Variants in MTHFD1L observed in about 807,000 individuals in gnomAD.
MTHFD1L encodes the protein methylenetetrahydrofolate dehydrogenase (NADP+ dependent) 1 like, also known as monofunctional C1-tetrahydrofolate synthase, mitochondrial.
A neutral mutation model predicts 119.5 loss-of-function variants in MTHFD1L; 81 were observed. That is an observed-to-expected ratio of 0.68 (90% CI 0.57 to 0.82). MTHFD1L has a LOEUF of 0.82. MTHFD1L is among the 40% of genes least tolerant of loss of function. MTHFD1L has a pLI of 0.00. For missense variants in MTHFD1L, 1,125 were observed against 1,253.4 expected, an observed-to-expected ratio of 0.90 and a Z score of 1.55; for synonymous variants, 430 against 475.2, an observed-to-expected ratio of 0.90 and a Z score of 1.24.
chr6:151,090,007 C>T (rs1410703565), intron 26 of MTHFD1L, among the ~76,000 whole-genome samples: 1 of 152,214 alleles, frequency 6.6e-6, no homozygotes, highest in Non-Finnish European at 1.5e-5. Flanking sequence ...TGAACGGCAG[C>T]TGTATTCCAG....
At chr6:151,091,244 G>A (rs113335643) in intron 26 of MTHFD1L, among the ~76,000 whole-genome samples, 5 of 137,540 alleles carry the variant, frequency 3.6e-5, no homozygotes, top group African/African-American at 5.2e-5. Context: ...GTGCAGCATC[G>A]TTCCATGCGA....
chr6:150,912,495 G>T (rs1036461756), intron 8 of MTHFD1L, among the ~76,000 whole-genome samples: 2 of 152,050 alleles, frequency 1.3e-5, no homozygotes, highest in African/African-American at 2.4e-5. Flanking sequence ...AGATGTTTCC[G>T]CAGAGCCGAG....
At chr6:150,925,622 G>A (rs1486445989) in intron 10 of MTHFD1L, among the ~76,000 whole-genome samples, 2 of 152,088 alleles carry the variant, frequency 1.3e-5, no homozygotes, top group African/African-American at 2.4e-5. Context: ...CAGATAAAAC[G>A]AAATAGCATT....
chr6:151,059,323 G>C (rs1412439018), intron 26 of MTHFD1L, among the ~76,000 whole-genome samples: 1 of 152,036 alleles, frequency 6.6e-6, no homozygotes, highest in Non-Finnish European at 1.5e-5. Flanking sequence ...CGATTTTCCT[G>C]CCTGCGCCAC....
At chr6:150,925,369 G>A (rs938229906) in intron 10 of MTHFD1L, among the ~76,000 whole-genome samples, 1 of 152,110 alleles carries the variant, frequency 6.6e-6, no homozygotes, top group African/African-American at 2.4e-5. Context: ...GAGCACATGA[G>A]CCCCAGAGGA....
Position 150,876,155 on chromosome 6 carries a change from C to T in MTHFD1L, c.293C>T (p.Pro98Leu), listed in dbSNP as rs760359979. 1.0e-5 allele frequency: 16 copies of T among 1,596,268 alleles called. No individual in the cohort carries two copies. The highest frequency in any genetic ancestry group is 3.4e-5 in the South Asian group (3 of 87,592). ...CAAGAAAAAAACCCTGCCTTCAAGCCGGTTCTTGCAATTATCCAGGTAAGC... is the reference window on the plus strand; with the variant it reads ...CAAGAAAAAAACCCTGCCTTCAAGCTGGTTCTTGCAATTATCCAGGTAAGC... ...LLQEKNPAFK[P>L]VLAIIQAGDD... Residue 98 changes from proline to leucine, a missense_variant, in exon 2 of 28, where the codon CCG becomes CTG. By Grantham distance (98) the Pro-to-Leu change is moderately conservative. Coordinates refer to ENST00000367321, the MANE Select transcript of MTHFD1L (RefSeq NM_015440.5).
Position 150,949,067 on chromosome 6 carries a change from A to T in MTHFD1L, c.1660A>T (p.Thr554Ser). ...AAATAAGACTGATCCGAGCACACTG[A>T]CAGAAGAGGAAGTGAGTAAATTTGC... ...GINKTDPSTLTEEEVSKFARL... is the reference protein window; with the variant it reads ...GINKTDPSTLSEEEVSKFARL... The change falls in exon 16 of 28, where the codon ACA becomes TCA. Residue 554 changes from threonine (T) to serine (S), a missense_variant. Physicochemically the swap from Thr to Ser is moderately conservative, Grantham distance 58. This residue lies in a region of MTHFD1L where 1,058 missense variants were observed against 1,151.2 expected (regional missense o/e 0.92). Coordinates refer to ENST00000367321, the MANE Select transcript of MTHFD1L (RefSeq NM_015440.5). The T allele has an allele frequency of 1.2e-6, 2 of 1,614,056 alleles. No individual in the cohort carries two copies. Among genetic ancestry groups the T allele is most frequent in the Non-Finnish European group, 1.7e-6 (2 of 1,179,994 alleles).
intron 26 of MTHFD1L, among the ~76,000 whole-genome samples, chr6:151,078,903 G>T (rs1584415483): frequency 6.6e-6 from 1 of 152,034 alleles, no homozygotes; most frequent in East Asian, 1.9e-4. Context: ...AGAGGTGCAG[G>T]GAATCCCCAG....
At chr6:150,985,785 G>A (rs370510272) in intron 20 of MTHFD1L, among the ~76,000 whole-genome samples, 1 of 152,204 alleles carries the variant, frequency 6.6e-6, no homozygotes, top group African/African-American at 2.4e-5. Context: ...GAAGCACTGG[G>A]AAATAGCACG....
intron 1 of MTHFD1L, among the ~76,000 whole-genome samples, chr6:150,871,724 G>A (rs960807847): frequency 2.0e-5 from 3 of 149,678 alleles, no homozygotes; most frequent in African/African-American, 7.4e-5. Flanking sequence ...GGCTGGTCTC[G>A]AACTCCTGAC....
chr6:151,092,396 A>G, intron 26 of MTHFD1L, 71 bp from the exon 27 acceptor site: 1 of 1,161,714 alleles, frequency 8.6e-7, no homozygotes, highest in African/African-American at 1.5e-5. Context: ...GATAGAGTTA[A>G]TTTGCATCAT....
At chr6:151,063,344 A>C (rs543276212) in intron 26 of MTHFD1L, among the ~76,000 whole-genome samples, 18 of 152,192 alleles carry the variant, frequency 1.2e-4, no homozygotes, top group East Asian at 1.9e-4. Context: ...CTCTCTCTCT[A>C]TATATATTAA....
At chr6:151,098,037 C>T (rs1222214589) in intron 27 of MTHFD1L, among the ~76,000 whole-genome samples, 4 of 152,156 alleles carry the variant, frequency 2.6e-5, no homozygotes, top group East Asian at 1.9e-4. Context: ...AGCCAGGCGT[C>T]ATGGCACGCA....
intron 20 of MTHFD1L, among the ~76,000 whole-genome samples, chr6:150,987,480 G>A (rs1778467562): frequency 6.6e-6 from 1 of 152,212 alleles, no homozygotes; most frequent in South Asian, 2.1e-4. Context: ...CCTGCTTGGT[G>A]CTTTGTACAT....
Position 150,944,543 on chromosome 6 carries a change from G to T in MTHFD1L, c.1498G>T (p.Ala500Ser). 2 of 1,614,106 alleles carry T rather than the reference G, an allele frequency of 1.2e-6. No homozygotes were observed. The highest frequency in any genetic ancestry group is 1.7e-6 in the Non-Finnish European group (2 of 1,180,024). The change falls in exon 14 of 28, where the codon GCT (alanine) becomes TCT (serine). Residue 500 changes from alanine (A) to serine (S), a missense_variant. By Grantham distance (99) the Ala-to-Ser change is moderately conservative. Around this residue, in one of 3 missense-constraint regions of MTHFD1L, gnomAD observed 1,058 missense variants for 1,151.2 expected, o/e 0.92. Coordinates refer to ENST00000367321, the MANE Select transcript of MTHFD1L (RefSeq NM_015440.5). ...CATCACCGCTGCCAATAACTTGCTG[G>T]CTGCCGCCATCGACACGAGGATTCT... ...HAITAANNLL[A>S]AAIDTRILHE...
intron 26 of MTHFD1L, among the ~76,000 whole-genome samples, chr6:151,077,801 C>T (rs571265789): frequency 7.2e-5 from 11 of 152,160 alleles, no homozygotes; most frequent in Admixed American, 5.9e-4. Flanking sequence ...CGGTGGCTCA[C>T]GCTTGTAATC....
chr6:150,974,860 C>G (rs1260370295), intron 20 of MTHFD1L, among the ~76,000 whole-genome samples: 1 of 152,152 alleles, frequency 6.6e-6, no homozygotes, highest in Admixed American at 6.5e-5. Context: ...CCTCAGCCTC[C>G]CGAGTAGCTG....
intron 19 of MTHFD1L, among the ~76,000 whole-genome samples, chr6:150,968,807 GC>G (rs34924756): frequency 0.51 from 76,167 of 148,282 alleles, 20,637 homozygotes; most frequent in African/African-American, 0.66. Flanking sequence ...GAGCCACCAT[GC>G]CCCAGCCAGG....
rs149946581 is a variant in MTHFD1L, at chr6:150,977,283, C to G, written c.2125+5225C>G. The stretch of plus-strand genomic sequence containing the variant: ...TTTTTGTTCTAACAAAAAGCATACA[C>G]AAGGAAGGAATTATTTTGTCTATTC... On this transcript the variant is annotated intron_variant, in intron 20 of 27. Coordinates refer to ENST00000367321, the MANE Select transcript of MTHFD1L (RefSeq NM_015440.5). Among the ~76,000 whole-genome samples the G allele has an allele frequency of 2.8e-4, 43 of 152,256 alleles. 1 individual carries two copies. The East Asian group carries it at 7.1e-3, about 25-fold the overall frequency.
Sources: allele counts gnomAD v4.1 joint callset (sites outside exome capture counted in the v4.1 genomes callset), GRCh38; gene constraint gnomAD v4.1.1; regional missense constraint gnomAD v4.1.1; transcripts MANE v1.5; gene names NCBI Gene and HGNC (gene_info 2026-07-23, HGNC 2026-07-21).